GRK7: variants seen among roughly 807,000 people sequenced by gnomAD.
The protein encoded by GRK7 is G protein-coupled receptor kinase 7.
In GRK7, 24 loss-of-function variants were observed where a neutral mutation model predicts 34.1. The observed-to-expected ratio is 0.70, with a 90% CI of 0.51 to 0.99. The LOEUF is 0.99. Among genes scored for constraint, GRK7 ranks in the 50% least tolerant of loss-of-function variants. GRK7 has a pLI of 0.00. For missense variants in GRK7, 644 were observed against 707.3 expected (o/e 0.91, Z 1.02); for synonymous variants, 256 against 279.4 (o/e 0.92, Z 0.84).
chr3:141,777,700 C>G (rs1422667805), intron 2 of GRK7, among the ~76,000 whole-genome samples: 2 of 151,588 alleles, frequency 1.3e-5, no homozygotes, highest in Non-Finnish European at 2.9e-5. Context: ...ACACTGGAGT[C>G]CTTAGGGCCT....
rs1177242749 is a variant in GRK7, at chr3:141,764,468, C to T, written c.-1485C>T. Among the ~76,000 whole-genome samples, 1 of 152,154 alleles carries T rather than the reference C, an allele frequency of 6.6e-6. No homozygotes were observed. Among genetic ancestry groups the T allele is most frequent in the African/African-American group, 2.4e-5 (1 of 41,436 alleles). ...CCTTATCCCACTGACCTCTCAGCAG[C>T]ATTTGCCGTAGTAATCACTGTTTTC... On this transcript the variant is annotated 5_prime_UTR_variant, in exon 1 of 6. Transcript: ENST00000682958.
intron 5 of GRK7, among the ~76,000 whole-genome samples, chr3:141,813,279 C>T (rs1191864327): frequency 5.3e-5 from 8 of 152,138 alleles, no homozygotes; most frequent in Admixed American, 3.9e-4. Flanking sequence ...GCATGTGCCA[C>T]CACGCCTGAC....
At position 141,816,711 on chromosome 3, in the gene GRK7, CAGAGA is replaced by C. The variant is rs776982749; in HGVS notation, c.1326-1_1329del. 2.6e-6 allele frequency: 4 copies of C among 1,509,978 alleles called. No homozygotes were observed. The highest frequency in any genetic ancestry group is 3.5e-6 in the Non-Finnish European group (4 of 1,127,198). 93.5% of individuals were successfully genotyped at this position (1,509,978 alleles called of 1,614,324 possible). ...TCAGGCTGATCATCTCCTTTCTTCACAGAGAAAAGTCTGATGATCCCAGGAAACAT... is the reference window on the plus strand; with the variant it reads ...TCAGGCTGATCATCTCCTTTCTTCACAAAGTCTGATGATCCCAGGAAACAT... On this transcript the variant is annotated splice_acceptor_variant and coding_sequence_variant, in exon 6 of 6. Transcript: ENST00000682958. LOFTEE classifies it high-confidence loss of function.
rs1044020352 is a variant in GRK7, at chr3:141,799,369, T to G, written c.1051-8276T>G. Among the ~76,000 whole-genome samples, 2 of 152,022 alleles carry G rather than the reference T, an allele frequency of 1.3e-5. 1 individual carries two copies. The highest frequency in any genetic ancestry group is 2.9e-5 in the Non-Finnish European group (2 of 67,996). On this transcript the variant is annotated intron_variant, in intron 4 of 5. Coordinates refer to ENST00000682958, the MANE Select transcript of GRK7 (RefSeq NM_139209.3). ...GGGTCACGCCTGTAATCCCAGCCCT[T>G]TGGGAGGCTGTGGCGGATGGATCAC... is the stretch of plus-strand genomic sequence containing the variant.
chr3:141,807,952 C>CA (rs1711054161), intron 5 of GRK7, 33 bp downstream of exon 5: 2 of 1,532,776 alleles, frequency 1.3e-6, no homozygotes, highest in Non-Finnish European at 1.8e-6. Flanking sequence ...GGATTGCTGA[C>CA]ACCAGTATTG....
rs146685701 is a variant in GRK7 at position 141,780,636 on chromosome 3, G to A, written c.875G>A (p.Arg292Gln). The A allele has an allele frequency of 6.2e-5, 100 of 1,614,216 alleles. 1 individual carries two copies. The African/African-American group carries it at 8.3e-4, about 13-fold the overall frequency. The change falls in exon 4 of 6, where the codon CGG becomes CAG. Residue 292 changes from arginine (R) to glutamine (Q), a missense_variant. Physicochemically the swap from Arg to Gln is conservative, Grantham distance 43. Transcript: ENST00000682958. ...GGCACGCGTGGCCTGGACATGAGCC[G>A]GGTGATCTTTTACTCGGCCCAGATA... ...NVGTRGLDMSRVIFYSAQIAC... is the reference protein window; with the variant it reads ...NVGTRGLDMSQVIFYSAQIAC...
At position 141,780,653 on chromosome 3, in the gene GRK7, G is replaced by A. The variant is rs767011044; in HGVS notation, c.892G>A (p.Ala298Thr). The change falls in exon 4 of 6, where the codon GCC becomes ACC. Residue 298 changes from alanine to threonine, a missense_variant. Ala to Thr is a moderately conservative substitution (Grantham distance 58). Transcript: ENST00000682958. ...CATGAGCCGGGTGATCTTTTACTCGGCCCAGATAGCCTGTGGGATGCTGCA... is the reference window on the plus strand; with the variant it reads ...CATGAGCCGGGTGATCTTTTACTCGACCCAGATAGCCTGTGGGATGCTGCA... The part of the protein sequence containing the change: ...LDMSRVIFYS[A>T]QIACGMLHLH... 9 of 1,614,208 alleles carry A rather than the reference G, an allele frequency of 5.6e-6. No individual in the cohort carries two copies. The highest frequency in any genetic ancestry group is 1.7e-5 in the Admixed American group (1 of 60,028).
intron 4 of GRK7, among the ~76,000 whole-genome samples, chr3:141,782,080 T>C (rs1178099810): frequency 6.6e-6 from 1 of 152,184 alleles, no homozygotes; most frequent in East Asian, 1.9e-4. Flanking sequence ...CTTTCACAGG[T>C]GCTGGAATGC....
chr3:141,780,383 G>T lies in GRK7; in HGVS notation c.622G>T (p.Val208Phe). The T allele has an allele frequency of 6.2e-7, 1 of 1,613,670 alleles. No individual in the cohort carries two copies. ...GKGGFGEVCA[V>F]QVKNTGKMYA... ...TTCTTTCTCCTTTAAGGTATGTGCCGTCCAGGTGAAAAACACTGGGAAGAT... is the reference window on the plus strand; with the variant it reads ...TTCTTTCTCCTTTAAGGTATGTGCCTTCCAGGTGAAAAACACTGGGAAGAT... The change falls in exon 4 of 6, where the codon GTC becomes TTC. Residue 208 changes from valine to phenylalanine, a missense_variant. Transcript: ENST00000682958.
intron 4 of GRK7, among the ~76,000 whole-genome samples, chr3:141,785,035 C>A (rs1412819411): frequency 6.6e-6 from 1 of 152,206 alleles, no homozygotes; most frequent in Non-Finnish European, 1.5e-5. Context: ...TTTCCCTCAA[C>A]CTTCCTTTCC....
chr3:141,754,512 G>A, the GRK7 span, among the ~76,000 whole-genome samples: 1 of 143,088 alleles, frequency 7.0e-6, no homozygotes, highest in African/African-American at 2.6e-5. Context: ...TCTGCTCACT[G>A]CAACCTCCAC....
At position 141,777,322 on chromosome 3, in the gene GRK7, C is replaced by CTT. The variant is rs770173065; in HGVS notation, c.-113-831_-113-830dup. 1.6e-3 allele frequency among the ~76,000 whole-genome samples: 83 copies of CTT among 52,874 alleles called. 15 individuals are homozygous for CTT. The highest frequency in any genetic ancestry group is 4.0e-3 in the South Asian group (5 of 1,244). 34.7% of individuals were successfully genotyped at this position (52,874 alleles called of 152,430 possible). The stretch of plus-strand genomic sequence containing the variant: ...TATGTTTTGGGTGGAGATGGCCCCT[C>CTT]TTTTTTTTTTTTTTTTTTTTGAGAC... On this transcript the variant is annotated intron_variant, in intron 2 of 5. Transcript: ENST00000682958.
At chr3:141,784,617 T>C (rs1032250027) in intron 4 of GRK7, among the ~76,000 whole-genome samples, 1 of 152,354 alleles carries the variant, frequency 6.6e-6, no homozygotes, top group African/African-American at 2.4e-5. Context: ...AAGGTCATTA[T>C]ATTCACAACA....
At position 141,778,392 on chromosome 3, in the gene GRK7, C is replaced by T; in HGVS notation, c.108C>T (p.Ser36=). ...DSKELQRRRR[S]LALPGLQGCA... is the part of the protein sequence containing the mutation. ...AAGAGCTGCAGCGGCGGCGGCGTAG[C>T]CTGGCCCTGCCCGGGCTGCAGGGCT... The change falls in exon 3 of 6, where the codon AGC becomes AGT. Residue 36 remains serine (S), a synonymous_variant. Coordinates refer to ENST00000682958, the MANE Select transcript of GRK7 (RefSeq NM_139209.3). The surrounding 1 kb of genome is among the most constrained non-coding windows in gnomAD (Gnocchi z 4.1). The T allele has an allele frequency of 1.9e-6, 3 of 1,612,382 alleles. No individual in the cohort carries two copies. Among genetic ancestry groups the T allele is most frequent in the Non-Finnish European group, 2.5e-6 (3 of 1,179,516 alleles).
chr3:141,768,850 A>T (rs57805567), intron 1 of GRK7, among the ~76,000 whole-genome samples: 10,608 of 151,660 alleles, frequency 0.07, 403 homozygotes, highest in South Asian at 0.12. Context: ...GCCACTCTCT[A>T]CTTGGCTTTT....
upstream of GRK7, among the ~76,000 whole-genome samples, chr3:141,759,284 C>T (rs1373553527): frequency 7.2e-6 from 1 of 139,228 alleles, no homozygotes; most frequent in Non-Finnish European, 1.6e-5. Flanking sequence ...ATGATATTGG[C>T]TGTGGGTCTG....
At chr3:141,757,137 T>TTTTC in the GRK7 span, among the ~76,000 whole-genome samples, 1 of 125,310 alleles carries the variant, frequency 8.0e-6, no homozygotes, top group South Asian at 2.3e-4. Flanking sequence ...TTCTTTTTTT[T>TTTTC]TTTTTTTTTC....
At chr3:141,805,436 C>T (rs1711025695) in intron 4 of GRK7, among the ~76,000 whole-genome samples, 1 of 152,208 alleles carries the variant, frequency 6.6e-6, no homozygotes, top group Non-Finnish European at 1.5e-5. Flanking sequence ...GTATCCTGGG[C>T]CTCAGAGGCG....
chr3:141,801,583 TTTTAA>T (rs1710967285), intron 4 of GRK7, among the ~76,000 whole-genome samples: 1 of 152,214 alleles, frequency 6.6e-6, no homozygotes, highest in African/African-American at 2.4e-5. Context: ...TAAATTTTAC[TTTTAA>T]AAGTTTATAG....
Sources: allele counts gnomAD v4.1 joint callset (sites outside exome capture counted in the v4.1 genomes callset), GRCh38; gene constraint gnomAD v4.1.1; non-coding constraint Gnocchi (gnomAD v3.1); transcripts MANE v1.5; gene names NCBI Gene and HGNC (gene_info 2026-07-23, HGNC 2026-07-21).